The following HDHD5 variants were observed in gnomAD, a reference collection of about 807,000 sequenced individuals.
The protein encoded by HDHD5 is haloacid dehalogenase-like hydrolase domain-containing 5.
A neutral mutation model predicts 35.5 loss-of-function variants in HDHD5; 34 were observed. The ratio of observed to expected loss-of-function variants is 0.96; its 90% CI spans 0.73 to 1.28. The LOEUF (loss-of-function observed/expected upper bound fraction) is 1.28. Ranked by LOEUF, HDHD5 falls within the 50% of genes most tolerant of loss-of-function variation. The probability of loss-of-function intolerance (pLI) is 0.00; values close to 1 mark genes in which losing one functional copy is unlikely to be tolerated. For synonymous variants in HDHD5, 248 were observed against 240.6 expected, an observed-to-expected ratio of 1.03 and a Z score of -0.29; for missense variants, 589 against 560.2, an observed-to-expected ratio of 1.05 and a Z score of -0.52.
intron 1 of HDHD5, among the ~76,000 whole-genome samples, chr22:17,150,703 G>A (rs1455029284): frequency 6.6e-6 from 1 of 152,082 alleles, no homozygotes; most frequent in Non-Finnish European, 1.5e-5. Flanking sequence ...ATTTTTAGTG[G>A]AGACGAGGTT....
intron 1 of HDHD5, among the ~76,000 whole-genome samples, chr22:17,155,348 T>C (rs2061777515): frequency 6.6e-6 from 1 of 151,310 alleles, no homozygotes; most frequent in East Asian, 2.0e-4. Context: ...TGGGTTCAAG[T>C]GATTCTCCTG....
intron 6 of HDHD5, among the ~76,000 whole-genome samples, chr22:17,140,117 G>C (rs74802893): frequency 6.6e-6 from 1 of 152,126 alleles, no homozygotes; most frequent in African/African-American, 2.4e-5. Flanking sequence ...CTACTGAGAC[G>C]GGCCCTGAGG....
upstream of HDHD5, among the ~76,000 whole-genome samples, chr22:17,163,658 T>C (rs990929101): frequency 1.2e-4 from 18 of 152,184 alleles, no homozygotes; most frequent in African/African-American, 4.1e-4. Flanking sequence ...CACATTTTTC[T>C]CCCAGGCCTG....
intron 1 of HDHD5, among the ~76,000 whole-genome samples, chr22:17,152,949 G>A (rs1479136706): frequency 6.6e-6 from 1 of 152,060 alleles, no homozygotes; most frequent in African/African-American, 2.4e-5. Flanking sequence ...GAGGAGGGCA[G>A]GGACCCTGGA....
At chr22:17,151,600 G>C (rs2061725223) in intron 1 of HDHD5, among the ~76,000 whole-genome samples, 1 of 151,926 alleles carries the variant, frequency 6.6e-6, no homozygotes, top group Non-Finnish European at 1.5e-5. Context: ...TGTGGTGGTG[G>C]GCGCCTGTCA....
chr22:17,156,669 C>G (rs993146553), intron 1 of HDHD5, among the ~76,000 whole-genome samples: 12 of 150,748 alleles, frequency 8.0e-5, no homozygotes, highest in African/African-American at 2.9e-4. Context: ...CCAGTTACTC[C>G]GGAGGCTGAG....
intron 1 of HDHD5, among the ~76,000 whole-genome samples, chr22:17,153,487 T>C (rs1012587501): frequency 2.0e-5 from 3 of 152,144 alleles, no homozygotes; most frequent in Admixed American, 6.6e-5. Flanking sequence ...AATACACTCA[T>C]GTACCCTCAA....
At chr22:17,155,882 A>G (rs1360029103) in intron 1 of HDHD5, among the ~76,000 whole-genome samples, 1 of 152,216 alleles carries the variant, frequency 6.6e-6, no homozygotes, top group Admixed American at 6.5e-5. Context: ...AAAGGTAGCC[A>G]CAGAAAGAAA....
rs1468815441 is a variant in HDHD5 at position 17,137,916 on chromosome 22, C to CA, written c.*104dup. ...ACTCATGGGGCAGCAAGAAGGGTGG[C>CA]AAGGGAACCAAGCCCTGACCTGAGC... On this transcript the variant is annotated 3_prime_UTR_variant, in exon 8 of 8. Coordinates refer to ENST00000336737, the MANE Select transcript of HDHD5 (RefSeq NM_033070.3). The CA allele has an allele frequency of 4.4e-6, 4 of 901,140 alleles. No individual in the cohort carries two copies. The African/African-American group carries it at 6.7e-5, about 15-fold the overall frequency. 55.8% of individuals were successfully genotyped at this position (901,140 alleles called of 1,614,324 possible).
In HDHD5 at chr22:17,154,211, A is replaced by G. The variant is rs374743443; in HGVS notation, c.127-4466T>C. Among the ~76,000 whole-genome samples, 874 of 149,904 alleles carry G rather than the reference A, an allele frequency of 5.8e-3. 4 individuals are homozygous for G. The highest frequency in any genetic ancestry group is 0.013 in the African/African-American group (552 of 40,966). ...TTCTTTAAGAAACTTGGCTGGGCAC[A>G]GTAGCTCACGCCTGTAATCCCAGCA... On this transcript the variant is annotated intron_variant, in intron 1 of 7. Transcript: ENST00000336737.
intron 5 of HDHD5, chr22:17,141,621 G>A: frequency 5.7e-6 from 6 of 1,052,260 alleles, no homozygotes; most frequent in Non-Finnish European, 6.9e-6. Flanking sequence ...CCAGGGACTG[G>A]CAGAACCTAA....
chr22:17,145,340 C>T (rs1366583160), intron 3 of HDHD5, among the ~76,000 whole-genome samples: 7 of 152,178 alleles, frequency 4.6e-5, no homozygotes, highest in African/African-American at 7.2e-5. Flanking sequence ...AACCCACCAG[C>T]AGTCACCAGG....
Position 17,137,992 on chromosome 22 carries a change from C to A in HDHD5, c.*29G>T, listed in dbSNP as rs142661724. 2 of 1,562,140 alleles carry A rather than the reference C, an allele frequency of 1.3e-6. No homozygotes were observed. The highest frequency in any genetic ancestry group is 3.4e-5 in the Admixed American group (2 of 58,170). On this transcript the variant is annotated 3_prime_UTR_variant, in exon 8 of 8. Coordinates refer to ENST00000336737, the MANE Select transcript of HDHD5 (RefSeq NM_033070.3). ...AATGGGACTCGCCCACAGGTCCAGG[C>A]TCACCCCCTCACCTCCACCGCACTG... is the stretch of plus-strand genomic sequence containing the variant.
chr22:17,155,257 GT>G (rs1027258260), intron 1 of HDHD5, among the ~76,000 whole-genome samples: 1 of 146,872 alleles, frequency 6.8e-6, no homozygotes, highest in Admixed American at 6.8e-5. Context: ...TGTTTGGTTG[GT>G]TTTTTTTGAG....
chr22:17,149,422 C>A, intron 2 of HDHD5, 120 bp downstream of exon 2: 1 of 863,600 alleles, frequency 1.2e-6, no homozygotes, highest in Non-Finnish European at 1.8e-6. Context: ...TCAGCTGTGG[C>A]CATGACCTAG....
chr22:17,150,522 C>CTTTTT (rs3053235), intron 1 of HDHD5, among the ~76,000 whole-genome samples: 15 of 141,942 alleles, frequency 1.1e-4, no homozygotes, highest in East Asian at 4.2e-4. Context: ...TCTTGGCTGT[C>CTTTTT]TTTTTTTTTT....
upstream of HDHD5, among the ~76,000 whole-genome samples, chr22:17,161,551 G>A (rs896362417): frequency 6.0e-5 from 9 of 150,946 alleles, no homozygotes; most frequent in African/African-American, 1.7e-4. Flanking sequence ...GCGACAGAGC[G>A]GAACTATGTC....
At chr22:17,152,315 C>A (rs568090202) in intron 1 of HDHD5, among the ~76,000 whole-genome samples, 1 of 152,214 alleles carries the variant, frequency 6.6e-6, no homozygotes, top group South Asian at 2.1e-4. Flanking sequence ...CCAAATGCAA[C>A]CCAAGACAGA....
At position 17,138,051 on chromosome 22, in the gene HDHD5, G is replaced by C. The variant is rs764711946; in HGVS notation, c.1242C>G (p.Val414=). The change falls in exon 8 of 8, where the codon GTC becomes GTG. Residue 414 remains valine (V), a synonymous_variant. Transcript: ENST00000336737. The stretch of plus-strand genomic sequence containing the variant: ...CCAAAGCCCAGCCCTCCTTGCGGAA[G>C]ACCAGCTGCACAGCCTCATTCACGT... ...VNDVNEAVQL[V]FRKEGWALE is the part of the protein sequence containing the mutation. 6.2e-7 allele frequency: 1 copy of C among 1,613,248 alleles called. No homozygotes were observed. The highest frequency in any genetic ancestry group is 8.5e-7 in the Non-Finnish European group (1 of 1,179,348).
Sources: gnomAD v4.1 joint callset for allele counts (sites outside exome capture counted in the v4.1 genomes callset) on GRCh38, gnomAD v4.1.1 for gene constraint, MANE v1.5 for transcripts, NCBI Gene and HGNC (gene_info 2026-07-23, HGNC 2026-07-21) for gene names.